RANBP17: variants seen among roughly 807,000 people sequenced by gnomAD.
RANBP17 encodes the protein RAN binding protein 17, also known as ran-binding protein 17.
A neutral mutation model predicts 141.2 loss-of-function variants in RANBP17; 158 were observed. That is an observed-to-expected ratio of 1.12 (90% CI 0.98 to 1.28). RANBP17 has a LOEUF of 1.28. RANBP17 is among the 50% of genes most tolerant of loss of function. The pLI, the probability that RANBP17 is intolerant of heterozygous loss-of-function variation, is 0.00. For synonymous variants in RANBP17, 430 were observed against 450.0 expected, an observed-to-expected ratio of 0.96 and a Z score of 0.56; for missense variants, 1,438 against 1,290.7, an observed-to-expected ratio of 1.11 and a Z score of -1.75.
intron 14 of RANBP17, among the ~76,000 whole-genome samples, chr5:170,986,595 T>G (rs1778157410): frequency 6.6e-6 from 1 of 151,852 alleles, no homozygotes; most frequent in Non-Finnish European, 1.5e-5. Context: ...GTACCCATAA[T>G]AATTGCAAAT....
intron 14 of RANBP17, among the ~76,000 whole-genome samples, chr5:171,168,223 G>A (rs1350014744): frequency 6.6e-6 from 1 of 152,200 alleles, no homozygotes; most frequent in Non-Finnish European, 1.5e-5. Flanking sequence ...ACATAAAGGA[G>A]AGTTCAACTC....
chr5:171,141,367 T>G (rs1426914568), intron 14 of RANBP17, among the ~76,000 whole-genome samples: 3 of 149,938 alleles, frequency 2.0e-5, no homozygotes, highest in Non-Finnish European at 4.4e-5. Context: ...GAGGCCGAGG[T>G]GGGCGGATCA....
intron 7 of RANBP17, among the ~76,000 whole-genome samples, chr5:170,911,727 C>A (rs576962017): frequency 6.6e-6 from 1 of 151,952 alleles, no homozygotes; most frequent in African/African-American, 2.4e-5. Context: ...GTCAACATAT[C>A]TTTCAGGGTT....
At chr5:171,197,929 C>T (rs1425432058) in intron 18 of RANBP17, among the ~76,000 whole-genome samples, 2 of 152,182 alleles carry the variant, frequency 1.3e-5, no homozygotes, top group Non-Finnish European at 2.9e-5. Flanking sequence ...GTCCTAGCAA[C>T]TCAGGAGGCT....
intron 25 of RANBP17, among the ~76,000 whole-genome samples, chr5:171,273,718 A>G (rs1767280922): frequency 6.6e-6 from 1 of 152,110 alleles, no homozygotes; most frequent in Non-Finnish European, 1.5e-5. Flanking sequence ...AAGGAATTTC[A>G]GAACTAAGAT....
Position 171,265,729 on chromosome 5 carries a change from C to T in RANBP17, c.2825C>T (p.Thr942Ile). 2 of 1,614,112 alleles carry T rather than the reference C, an allele frequency of 1.2e-6. No individual in the cohort carries two copies. Among genetic ancestry groups the T allele is most frequent in the South Asian group, 2.2e-5 (2 of 91,080 alleles). Residue 942 changes from threonine (T) to isoleucine (I), a missense_variant, in exon 25 of 28, where the codon ACC becomes ATC. Physicochemically the swap from Thr to Ile is moderately conservative, Grantham distance 89 (BLOSUM62 -1). Transcript: ENST00000523189. ...TGTACCAGTTTAGACTACATCGTCA[C>T]CTACCTCTTCAAGCACATAGCAAAA... Reference protein sequence around the residue: ...SCCTSLDYIVTYLFKHIAKEG... With the variant: ...SCCTSLDYIVIYLFKHIAKEG...
At position 170,910,998 on chromosome 5, in the gene RANBP17, T is replaced by G. The variant is rs1424762415; in HGVS notation, c.624T>G (p.Asp208Glu). The change falls in exon 7 of 28, where the codon GAT becomes GAG. Residue 208 changes from aspartate to glutamate, a missense_variant. Coordinates refer to ENST00000523189, the MANE Select transcript of RANBP17 (RefSeq NM_022897.5). Reference sequence around the variant, plus strand: ...TTGCCAAACCTTTAAATCTTCAGGATCAATGTCAGCAAAATCTGGTAATGC... The same window carrying G: ...TTGCCAAACCTTTAAATCTTCAGGAGCAATGTCAGCAAAATCTGGTAATGC... The part of the protein sequence containing the change: ...EVFAKPLNLQ[D>E]QCQQNLVMQV... 6.2e-7 allele frequency: 1 copy of G among 1,611,436 alleles called. No individual in the cohort carries two copies. Among genetic ancestry groups the G allele is most frequent in the Non-Finnish European group, 8.5e-7 (1 of 1,178,550 alleles).
At chr5:171,290,246 G>C (rs182088810) in intron 25 of RANBP17, among the ~76,000 whole-genome samples, 262 of 152,092 alleles carry the variant, frequency 1.7e-3, no homozygotes, top group African/African-American at 6.0e-3. Flanking sequence ...GCACGTGCCT[G>C]TAATCCCAGC....
At chr5:171,120,760 C>G (rs1234609717) in intron 14 of RANBP17, among the ~76,000 whole-genome samples, 1 of 152,126 alleles carries the variant, frequency 6.6e-6, no homozygotes, top group Non-Finnish European at 1.5e-5. Context: ...TTCCTTTAGA[C>G]ATGTTATGTT....
At chr5:170,969,793 T>C (rs980357280) in intron 14 of RANBP17, among the ~76,000 whole-genome samples, 2 of 152,060 alleles carry the variant, frequency 1.3e-5, no homozygotes, top group African/African-American at 2.4e-5. Flanking sequence ...TTTTCGTTTT[T>C]GAAAAAGCTT....
At chr5:171,044,406 T>A (rs1782440328) in intron 14 of RANBP17, among the ~76,000 whole-genome samples, 1 of 152,060 alleles carries the variant, frequency 6.6e-6, no homozygotes, top group Admixed American at 6.6e-5. Context: ...GAAACTTATT[T>A]TACCTTATTA....
chr5:171,069,746 A>G (rs868834821), intron 14 of RANBP17, among the ~76,000 whole-genome samples: 1 of 152,208 alleles, frequency 6.6e-6, no homozygotes, highest in Non-Finnish European at 1.5e-5. Flanking sequence ...TATGACGTTT[A>G]GTAGTAGATA....
intron 16 of RANBP17, among the ~76,000 whole-genome samples, chr5:171,182,914 T>C (rs1255305517): frequency 6.6e-6 from 1 of 152,036 alleles, no homozygotes; most frequent in Non-Finnish European, 1.5e-5. Flanking sequence ...AGTAAAGGAG[T>C]TCTTGTCTTA....
Position 171,299,177 on chromosome 5 carries a change from T to G in RANBP17, c.*319T>G. On this transcript the variant is annotated 3_prime_UTR_variant, in exon 28 of 28. Coordinates refer to ENST00000523189, the MANE Select transcript of RANBP17 (RefSeq NM_022897.5). ...GAACGTAATAAACCAGGTTTGCACC[T>G]AAGTGTGTACTAGTTTATGGTTCTG... 1 of 291,836 alleles carries G rather than the reference T, an allele frequency of 3.4e-6. No homozygotes were observed. The highest frequency in any genetic ancestry group is 2.1e-5 in the African/African-American group (1 of 47,234). 18.1% of individuals were successfully genotyped at this position (291,836 alleles called of 1,614,324 possible). A position where few individuals can be genotyped will look rare whatever the true frequency, so the allele number is the denominator to read the frequency against.
chr5:171,105,467 G>A (rs954545923), intron 14 of RANBP17, among the ~76,000 whole-genome samples: 1 of 151,776 alleles, frequency 6.6e-6, no homozygotes, highest in East Asian at 1.9e-4. Flanking sequence ...GGAGGCTGTG[G>A]CAGGAGGATC....
At chr5:170,893,394 C>A (rs946988965) in intron 4 of RANBP17, among the ~76,000 whole-genome samples, 3 of 152,100 alleles carry the variant, frequency 2.0e-5, no homozygotes, top group African/African-American at 4.8e-5. Flanking sequence ...GACTGTCATG[C>A]CTTGCTCAGT....
intron 25 of RANBP17, among the ~76,000 whole-genome samples, chr5:171,278,430 A>C (rs947666225): frequency 1.3e-5 from 2 of 152,000 alleles, no homozygotes; most frequent in African/African-American, 4.8e-5. Flanking sequence ...GAGGCAGGAG[A>C]ATTGCTTGAA....
At chr5:171,007,012 C>T (rs1335342973) in intron 14 of RANBP17, among the ~76,000 whole-genome samples, 2 of 152,154 alleles carry the variant, frequency 1.3e-5, no homozygotes, top group African/African-American at 4.8e-5. Flanking sequence ...GAACTGCTCT[C>T]ATGCCTTCCG....
At chr5:171,163,383 G>A (rs1759478498) in intron 14 of RANBP17, among the ~76,000 whole-genome samples, 1 of 152,140 alleles carries the variant, frequency 6.6e-6, no homozygotes, top group African/African-American at 2.4e-5. Context: ...TAATGAAAGA[G>A]CTAAGTACCT....
Sources: allele counts gnomAD v4.1 joint callset (sites outside exome capture counted in the v4.1 genomes callset), GRCh38; gene constraint gnomAD v4.1.1; transcripts MANE v1.5; gene names NCBI Gene and HGNC (gene_info 2026-07-23, HGNC 2026-07-21).